The following PXDNL variants were observed in gnomAD, a reference collection of about 807,000 sequenced individuals.
PXDNL encodes peroxidasin like, also known as probable oxidoreductase PXDNL.
In PXDNL, 145 loss-of-function variants were observed where a neutral mutation model predicts 150.8. The observed-to-expected ratio is 0.96, with a 90% CI of 0.84 to 1.10. PXDNL has a LOEUF of 1.10. Ranked by LOEUF, PXDNL falls within the 50% of genes least tolerant of loss-of-function variation. The pLI, the probability that PXDNL is intolerant of heterozygous loss-of-function variation, is 0.00. For synonymous variants in PXDNL, 757 were observed against 725.7 expected, an observed-to-expected ratio of 1.04 and a Z score of -0.69; for missense variants, 2,087 against 1,873.9, an observed-to-expected ratio of 1.11 and a Z score of -2.10.
intron 1 of PXDNL, among the ~76,000 whole-genome samples, chr8:51,748,329 C>T (rs1021241426): frequency 2.0e-5 from 3 of 152,156 alleles, no homozygotes; most frequent in East Asian, 1.9e-4. Context: ...TCTTTTAGTG[C>T]GTTTTTCAGA....
chr8:51,491,989 A>G (rs886640821), intron 5 of PXDNL, among the ~76,000 whole-genome samples: 1 of 151,944 alleles, frequency 6.6e-6, no homozygotes, highest in South Asian at 2.1e-4. Flanking sequence ...ATTCATGATC[A>G]CATGTCTCCA....
At chr8:51,413,310 G>A (rs1181641771) in intron 14 of PXDNL, 52 bp from the exon 15 acceptor site, 14 of 1,112,664 alleles carry the variant, frequency 1.3e-5, no homozygotes, top group Non-Finnish European at 1.8e-5. Flanking sequence ...TTGAAGTTAG[G>A]CATGATATTA....
At chr8:51,475,968 C>A (rs1346039541) in intron 6 of PXDNL, among the ~76,000 whole-genome samples, 2 of 152,030 alleles carry the variant, frequency 1.3e-5, no homozygotes, top group African/African-American at 2.4e-5. Context: ...ATGGTGGCAC[C>A]CACCTATAGT....
At chr8:51,632,918 CA>C (rs1182025576) in intron 2 of PXDNL, among the ~76,000 whole-genome samples, 4 of 151,884 alleles carry the variant, frequency 2.6e-5, no homozygotes, top group Non-Finnish European at 5.9e-5. Flanking sequence ...ATTTTAGATT[CA>C]GGGGGTACAT....
chr8:51,806,452 T>C (rs1012358404), intron 1 of PXDNL, among the ~76,000 whole-genome samples: 2 of 152,334 alleles, frequency 1.3e-5, no homozygotes, highest in South Asian at 2.1e-4. Context: ...CAAAAACTAA[T>C]TGGCTTTTTC....
intron 1 of PXDNL, among the ~76,000 whole-genome samples, chr8:51,732,024 C>G (rs1172982285): frequency 1.3e-5 from 2 of 152,212 alleles, no homozygotes; most frequent in Non-Finnish European, 2.9e-5. Flanking sequence ...ATGCAAATTT[C>G]TGCAGCCAGC....
intron 2 of PXDNL, among the ~76,000 whole-genome samples, chr8:51,654,391 A>G (rs768996420): frequency 1.3e-5 from 2 of 152,242 alleles, no homozygotes; most frequent in Admixed American, 6.5e-5. Flanking sequence ...CTTTCTTGCC[A>G]TGGGACTCAT....
intron 2 of PXDNL, among the ~76,000 whole-genome samples, chr8:51,616,656 T>C (rs2130726273): frequency 6.6e-6 from 1 of 152,372 alleles, no homozygotes; most frequent in Middle Eastern, 3.4e-3. Context: ...TACTCCTGTA[T>C]ACTTTAAATC....
chr8:51,653,981 T>C (rs992086114), intron 2 of PXDNL, among the ~76,000 whole-genome samples: 3 of 152,158 alleles, frequency 2.0e-5, no homozygotes, highest in African/African-American at 4.8e-5. Flanking sequence ...TTACTATACA[T>C]AGGAATTTTT....
In PXDNL at chr8:51,515,533, C is replaced by A. The variant is rs1444942155; in HGVS notation, c.381-15763G>T. 3.9e-5 allele frequency among the ~76,000 whole-genome samples: 6 copies of A among 152,204 alleles called. No homozygotes were observed. In the South Asian group the frequency reaches 1.0e-3, roughly 26 times the overall value. On this transcript the variant is annotated intron_variant, in intron 4 of 22. Coordinates refer to ENST00000356297, the MANE Select transcript of PXDNL (RefSeq NM_144651.5). ...AGATGTTTCTCTTCCCTGTCCATGG[C>A]AAAAGTCCTTGGGAGCTGTGAGGAA...
chr8:51,489,975 G>A (rs146617839), intron 5 of PXDNL, among the ~76,000 whole-genome samples: 1,958 of 152,258 alleles, frequency 0.013, 41 homozygotes, highest in African/African-American at 0.045. Flanking sequence ...TTTATGGCAG[G>A]TGACACTAAT....
chr8:51,701,813 C>CATGGGA (rs60406246), intron 1 of PXDNL, among the ~76,000 whole-genome samples: 128,342 of 151,460 alleles, frequency 0.85, 54,750 homozygotes, highest in African/African-American at 0.95. Flanking sequence ...ATTTTTCAGA[C>CATGGGA]ATTTTCGAAA....
intron 1 of PXDNL, among the ~76,000 whole-genome samples, chr8:51,734,050 ATGATGT>A (rs1816987239): frequency 1.3e-5 from 2 of 151,938 alleles, no homozygotes; most frequent in South Asian, 4.1e-4. Flanking sequence ...AAGCTGAGGA[ATGATGT>A]TCTCACCTTA....
Position 51,721,943 on chromosome 8 carries a change from A to G in PXDNL, c.165-67183T>C, listed in dbSNP as rs191035727. 1.4e-3 allele frequency: 340 copies of G among 247,624 alleles called. 1 individual carries two copies. The highest frequency in any genetic ancestry group is 1.4e-3 in the Non-Finnish European group (164 of 121,266). 15.3% of individuals were successfully genotyped at this position (247,624 alleles called of 1,614,324 possible). ...GAGATACCTGACCTTTAGGGTTGCT[A>G]AAGTGGATTGCTGTTCATTGGTTTG... On this transcript the variant is annotated intron_variant, in intron 1 of 22. Transcript: ENST00000356297.
chr8:51,735,736 C>T (rs977826242), intron 1 of PXDNL, among the ~76,000 whole-genome samples: 5 of 149,432 alleles, frequency 3.3e-5, no homozygotes, highest in Non-Finnish European at 5.9e-5. Context: ...TTAGTAGAGA[C>T]GGGGTTTCAC....
Position 51,587,541 on chromosome 8 carries a change from TGTTTGGCAG to T in PXDNL, c.308+5077_308+5085del, listed in dbSNP as rs572166617. ...AGAGGAAAAGCTATGCTATCCTTTG[TGTTTGGCAG>T]GGTAAAACTGCAATTCTGTGGTATA... is the stretch of plus-strand genomic sequence containing the variant. On this transcript the variant is annotated intron_variant, in intron 3 of 22. Transcript: ENST00000356297. 2.0e-3 allele frequency among the ~76,000 whole-genome samples: 308 copies of T among 152,310 alleles called. 1 individual carries two copies. Among genetic ancestry groups the T allele is most frequent in the Middle Eastern group, 0.01 (3 of 294 alleles).
chr8:51,739,614 C>T (rs1034108442), intron 1 of PXDNL, among the ~76,000 whole-genome samples: 1 of 152,122 alleles, frequency 6.6e-6, no homozygotes, highest in Non-Finnish European at 1.5e-5. Flanking sequence ...TCATCTCACG[C>T]CTGTAATCCC....
At chr8:51,374,829 C>T (rs1400383514) in intron 17 of PXDNL, 98 bp from the exon 18 acceptor site, 5 of 1,367,826 alleles carry the variant, frequency 3.7e-6, no homozygotes, top group East Asian at 5.0e-5. Flanking sequence ...TTTATCCACA[C>T]AAAAAAAGAA....
intron 2 of PXDNL, among the ~76,000 whole-genome samples, chr8:51,647,261 A>C (rs1204404923): frequency 6.6e-6 from 1 of 152,088 alleles, no homozygotes; most frequent in Non-Finnish European, 1.5e-5. Context: ...GAGTTTTTAT[A>C]AGCCAAATTT....
Sources: allele counts gnomAD v4.1 joint callset (sites outside exome capture counted in the v4.1 genomes callset), GRCh38; gene constraint gnomAD v4.1.1; transcripts MANE v1.5; gene names NCBI Gene and HGNC (gene_info 2026-07-23, HGNC 2026-07-21).